The following CTDSPL2 variants were observed in gnomAD, a reference collection of about 807,000 sequenced individuals.
CTDSPL2 encodes CTD small phosphatase like 2, also known as CTD small phosphatase-like protein 2.
Under a neutral mutation model 60.0 loss-of-function variants are expected in CTDSPL2, and 5 were observed. The observed-to-expected ratio is 0.08, with a 90% CI of 0.04 to 0.18. CTDSPL2 has a LOEUF of 0.18. CTDSPL2 is among the 10% of genes least tolerant of loss of function. CTDSPL2 has a pLI of 1.00. For synonymous variants in CTDSPL2, 186 were observed against 189.3 expected, an observed-to-expected ratio of 0.98 and a Z score of 0.14; for missense variants, 370 against 548.8, an observed-to-expected ratio of 0.67 and a Z score of 3.26.
At chr15:44,483,262 CAA>C (rs764227469) in intron 2 of CTDSPL2, among the ~76,000 whole-genome samples, 15 of 78,208 alleles carry the variant, frequency 1.9e-4, no homozygotes, top group Non-Finnish European at 2.4e-4. Context: ...GACTCTGTCT[CAA>C]AAAAAAAAAA....
chr15:44,442,470 T>C (rs866601735), intron 1 of CTDSPL2, among the ~76,000 whole-genome samples: 2 of 151,012 alleles, frequency 1.3e-5, no homozygotes, highest in Middle Eastern at 6.8e-3. Context: ...AAAAGATAGA[T>C]AATTTTAAAG....
chr15:44,513,256 A>G (rs2081595805), intron 8 of CTDSPL2, among the ~76,000 whole-genome samples: 1 of 152,142 alleles, frequency 6.6e-6, no homozygotes, highest in South Asian at 2.1e-4. Flanking sequence ...ACCTGAGGTC[A>G]GGAGTTTGAG....
chr15:44,459,083 A>G lies in CTDSPL2; in HGVS notation c.69A>G (p.Ala23=). 1 of 1,613,036 alleles carries G rather than the reference A, an allele frequency of 6.2e-7. No homozygotes were observed. The highest frequency in any genetic ancestry group is 8.5e-7 in the Non-Finnish European group (1 of 1,179,460). The part of the protein sequence containing the change: ...NQIQTQRTAR[A]KRKYSEVDDS... ...TCCAAACACAACGCACTGCCAGAGC[A>G]AAGAGGAAATATTCAGAGGTTGATG... Residue 23 remains alanine, a synonymous_variant, in exon 2 of 13, where the codon GCA becomes GCG. Transcript: ENST00000260327.
At chr15:44,488,676 A>AGGTG (rs2081163256) in intron 4 of CTDSPL2, among the ~76,000 whole-genome samples, 2 of 152,064 alleles carry the variant, frequency 1.3e-5, no homozygotes, top group South Asian at 4.1e-4. Flanking sequence ...TTAGCTGGGC[A>AGGTG]TGGTGGCGCA....
chr15:44,521,964 C>A (rs995315497), intron 12 of CTDSPL2, among the ~76,000 whole-genome samples: 791 of 57,298 alleles, frequency 0.014, 1 homozygote, highest in African/African-American at 0.033. Context: ...AAAAAAAAAA[C>A]ATGATGATGA....
chr15:44,470,802 T>C (rs1348158973), intron 2 of CTDSPL2, among the ~76,000 whole-genome samples: 2 of 152,154 alleles, frequency 1.3e-5, no homozygotes, highest in African/African-American at 4.8e-5. Flanking sequence ...TATGTTTGAG[T>C]TTAAAGTCTT....
In CTDSPL2 at chr15:44,459,068, A is replaced by C. The variant is rs972400277; in HGVS notation, c.54A>C (p.Gln18His). Reference sequence around the variant, plus strand: ...AGCAGTCAAATCAAATCCAAACACAACGCACTGCCAGAGCAAAGAGGAAAT... The same window carrying C: ...AGCAGTCAAATCAAATCCAAACACACCGCACTGCCAGAGCAAAGAGGAAAT... Reference protein sequence around the residue: ...ASQQSNQIQTQRTARAKRKYS... With the variant: ...ASQQSNQIQTHRTARAKRKYS... The change falls in exon 2 of 13, where the codon CAA becomes CAC. Residue 18 changes from glutamine to histidine, a missense_variant. Around this residue, in one of 6 missense-constraint regions of CTDSPL2, gnomAD observed 287 missense variants for 296.1 expected, o/e 0.97. Coordinates refer to ENST00000260327, the MANE Select transcript of CTDSPL2 (RefSeq NM_016396.3). 1.9e-6 allele frequency: 3 copies of C among 1,611,748 alleles called. No individual in the cohort carries two copies. Among genetic ancestry groups the C allele is most frequent in the Non-Finnish European group, 2.5e-6 (3 of 1,178,762 alleles).
intron 2 of CTDSPL2, 70 bp from the exon 3 acceptor site, chr15:44,484,154 A>G: frequency 7.3e-7 from 1 of 1,368,370 alleles, no homozygotes; most frequent in East Asian, 2.3e-5. Flanking sequence ...GTATTTTTTC[A>G]TTTTAATATT....
chr15:44,469,711 A>G (rs895136091), intron 2 of CTDSPL2, among the ~76,000 whole-genome samples: 1 of 152,210 alleles, frequency 6.6e-6, no homozygotes, highest in Non-Finnish European at 1.5e-5. Context: ...GCAGTATTCT[A>G]TAAATATCAA....
At chr15:44,455,889 GC>G (rs1479939620) in intron 1 of CTDSPL2, among the ~76,000 whole-genome samples, 1 of 111,974 alleles carries the variant, frequency 8.9e-6, no homozygotes, top group Non-Finnish European at 1.7e-5. Context: ...TCTCGCTGTC[GC>G]CCAGGCTGGA....
chr15:44,505,508 T>C (rs1273408932), intron 8 of CTDSPL2, among the ~76,000 whole-genome samples: 1 of 151,918 alleles, frequency 6.6e-6, no homozygotes, highest in Admixed American at 6.6e-5. Context: ...CTGAGGCAGG[T>C]GGATCACCTG....
intron 8 of CTDSPL2, among the ~76,000 whole-genome samples, chr15:44,512,932 C>A (rs369120484): frequency 1.3e-5 from 2 of 151,868 alleles, no homozygotes; most frequent in South Asian, 4.2e-4. Context: ...ATTAGCCAGC[C>A]ATGGTGGCCC....
In CTDSPL2 at chr15:44,528,902, CAATTT is replaced by C. The variant is rs1158733029; in HGVS notation, c.*4734_*4738del. 6.6e-6 allele frequency: 1 copy of C among 152,080 alleles called. No homozygotes were observed. The highest frequency in any genetic ancestry group is 1.5e-5 in the Non-Finnish European group (1 of 67,980). The allele number at this position is 152,080 out of a possible 1,614,324, so 9.4% of individuals were successfully genotyped here. A position where few individuals can be genotyped will look rare whatever the true frequency, so the allele number is the denominator to read the frequency against. ...TAAAGTCATGGACATTTTAAAATCT[CAATTT>C]AATTTCTTCTTATTTACTATGCAGT... On this transcript the variant is annotated 3_prime_UTR_variant, in exon 13 of 13. Transcript: ENST00000260327.
chr15:44,464,951 C>T (rs1180904672), intron 2 of CTDSPL2, among the ~76,000 whole-genome samples: 1 of 152,148 alleles, frequency 6.6e-6, no homozygotes, highest in Non-Finnish European at 1.5e-5. Context: ...AGTGATCTGC[C>T]TGCCTCGGCC....
At chr15:44,439,901 G>A (rs750815505) in intron 1 of CTDSPL2, among the ~76,000 whole-genome samples, 1 of 152,130 alleles carries the variant, frequency 6.6e-6, no homozygotes, top group Non-Finnish European at 1.5e-5. Context: ...GGTAATGTTG[G>A]TCTCATAAAA....
At chr15:44,468,244 A>G (rs2080735789) in intron 2 of CTDSPL2, among the ~76,000 whole-genome samples, 1 of 152,034 alleles carries the variant, frequency 6.6e-6, no homozygotes, top group Non-Finnish European at 1.5e-5. Context: ...TATAGATGAG[A>G]TTATTTAGCT....
At chr15:44,521,903 A>G (rs1007961007) in intron 12 of CTDSPL2, among the ~76,000 whole-genome samples, 3 of 118,518 alleles carry the variant, frequency 2.5e-5, no homozygotes, top group Admixed American at 1.3e-4. Flanking sequence ...GCGCCACTGC[A>G]CTCCAGCCTG....
intron 1 of CTDSPL2, among the ~76,000 whole-genome samples, chr15:44,445,911 A>T (rs2080202877): frequency 6.7e-6 from 1 of 149,098 alleles, no homozygotes; most frequent in Admixed American, 6.7e-5. Context: ...TGCTGGGATT[A>T]CAGGCGTGAG....
intron 1 of CTDSPL2, among the ~76,000 whole-genome samples, chr15:44,444,601 C>T (rs2080163952): frequency 1.3e-5 from 2 of 151,962 alleles, no homozygotes; most frequent in Non-Finnish European, 2.9e-5. Flanking sequence ...CCTCCTTGGC[C>T]TCCCAAAGTA....
Sources: gnomAD v4.1 joint callset for allele counts (sites outside exome capture counted in the v4.1 genomes callset) on GRCh38, gnomAD v4.1.1 for gene constraint, gnomAD v4.1.1 regional missense constraint, MANE v1.5 for transcripts, NCBI Gene and HGNC (gene_info 2026-07-23, HGNC 2026-07-21) for gene names.